DAP: variants seen among roughly 807,000 people sequenced by gnomAD.
DAP encodes death-associated protein 1.
Under a neutral mutation model 13.8 loss-of-function variants are expected in DAP, and 8 were observed. The ratio of observed to expected loss-of-function variants is 0.58; its 90% CI spans 0.34 to 1.05. The LOEUF (loss-of-function observed/expected upper bound fraction) is 1.05. Among genes scored for constraint, DAP ranks in the 50% least tolerant of loss-of-function variants. The pLI, the probability that DAP is intolerant of heterozygous loss-of-function variation, is 0.03. For missense variants in DAP, 106 were observed against 133.2 expected (o/e 0.80, Z 1.01); for synonymous variants, 47 against 47.5 (o/e 0.99, Z 0.04).
At position 10,748,166 on chromosome 5, in the gene DAP, T is replaced by A; in HGVS notation, c.152+9A>T. ...AAAACATGCTCAAGAGTCGCTAGCA[T>A]CATCCCACCTGGGGCTTTCCCATTC... is the stretch of plus-strand genomic sequence containing the variant. On this transcript the variant is annotated intron_variant, in intron 2 of 3. Coordinates refer to ENST00000230895, the MANE Select transcript of DAP (RefSeq NM_004394.3). 6.3e-7 allele frequency: 1 copy of A among 1,591,894 alleles called. No individual in the cohort carries two copies. Among genetic ancestry groups the A allele is most frequent in the Non-Finnish European group, 8.6e-7 (1 of 1,159,716 alleles).
intron 2 of DAP, among the ~76,000 whole-genome samples, chr5:10,683,933 C>A (rs561861382): frequency 2.0e-5 from 3 of 152,282 alleles, no homozygotes; most frequent in South Asian, 2.1e-4. Flanking sequence ...CTCAAGTGAT[C>A]CTGCTTCAGT....
intron 2 of DAP, among the ~76,000 whole-genome samples, chr5:10,710,152 C>T (rs182786976): frequency 2.1e-4 from 32 of 152,338 alleles, no homozygotes; most frequent in Admixed American, 1.4e-3. Flanking sequence ...CCCCTTCCCT[C>T]GGCTACAAAA....
At chr5:10,681,631 T>C (rs1738005892) in intron 3 of DAP, among the ~76,000 whole-genome samples, 1 of 149,886 alleles carries the variant, frequency 6.7e-6, no homozygotes, top group Non-Finnish European at 1.5e-5. Context: ...AGCATGGTGT[T>C]TGTGGGTGAG....
At position 10,760,996 on chromosome 5, in the gene DAP, G is replaced by A; in HGVS notation, c.55+18C>T. Reference sequence around the variant, plus strand: ...CCCCCGGCACCCGCGCGTGGAGAGAGAGGAAAAGAGTCAGTACCGGCGGGC... The same window carrying A: ...CCCCCGGCACCCGCGCGTGGAGAGAAAGGAAAAGAGTCAGTACCGGCGGGC... On this transcript the variant is annotated intron_variant, in intron 1 of 3. Coordinates refer to ENST00000230895, the MANE Select transcript of DAP (RefSeq NM_004394.3). The A allele has an allele frequency of 2.4e-6, 3 of 1,228,330 alleles. No individual in the cohort carries two copies. Among genetic ancestry groups the A allele is most frequent in the East Asian group, 3.4e-5 (1 of 29,460 alleles). 76.1% of individuals were successfully genotyped at this position (1,228,330 alleles called of 1,614,324 possible). A position where few individuals can be genotyped will look rare whatever the true frequency, so the allele number is the denominator to read the frequency against.
chr5:10,745,967 T>C (rs1739893775), intron 2 of DAP, among the ~76,000 whole-genome samples: 1 of 152,204 alleles, frequency 6.6e-6, no homozygotes, highest in Non-Finnish European at 1.5e-5. Context: ...TCCTCATAAC[T>C]TGTACGGAGG....
At chr5:10,712,648 C>T (rs531891830) in intron 2 of DAP, among the ~76,000 whole-genome samples, 7 of 152,144 alleles carry the variant, frequency 4.6e-5, no homozygotes, top group East Asian at 3.9e-4. Context: ...CTTAAATGAC[C>T]GGTTACAAAG....
intron 2 of DAP, among the ~76,000 whole-genome samples, chr5:10,732,546 C>T (rs1739492097): frequency 6.6e-6 from 1 of 152,162 alleles, no homozygotes; most frequent in African/African-American, 2.4e-5. Flanking sequence ...TATGACTTAC[C>T]ATGTTTTGTT....
At chr5:10,720,543 C>T (rs1245069503) in intron 2 of DAP, among the ~76,000 whole-genome samples, 1 of 152,202 alleles carries the variant, frequency 6.6e-6, no homozygotes, top group African/African-American at 2.4e-5. Context: ...CACCACTCAG[C>T]CTCTTTCCCC....
At chr5:10,697,471 T>C (rs1470653245) in intron 2 of DAP, among the ~76,000 whole-genome samples, 2 of 152,196 alleles carry the variant, frequency 1.3e-5, no homozygotes, top group African/African-American at 4.8e-5. Flanking sequence ...GAATTTCAAT[T>C]ATGGGGAGGT....
chr5:10,745,676 T>TA (rs1270507243), intron 2 of DAP, among the ~76,000 whole-genome samples: 1 of 152,244 alleles, frequency 6.6e-6, no homozygotes, highest in Non-Finnish European at 1.5e-5. Context: ...AACTTGCTAA[T>TA]AAATTACTAT....
chr5:10,757,758 G>C (rs955933180), intron 1 of DAP, among the ~76,000 whole-genome samples: 1 of 152,176 alleles, frequency 6.6e-6, no homozygotes, highest in Non-Finnish European at 1.5e-5. Flanking sequence ...GCATCCCTGC[G>C]CACAGTACAG....
chr5:10,714,309 G>A (rs889955907), intron 2 of DAP, among the ~76,000 whole-genome samples: 2 of 152,162 alleles, frequency 1.3e-5, no homozygotes, highest in African/African-American at 4.8e-5. Flanking sequence ...AGCAGTGCCT[G>A]TAATTTTTTC....
intron 2 of DAP, among the ~76,000 whole-genome samples, chr5:10,701,750 T>C (rs1738583199): frequency 6.6e-6 from 1 of 152,126 alleles, no homozygotes; most frequent in Non-Finnish European, 1.5e-5. Flanking sequence ...CCTGGGACGG[T>C]CTGGGTTCAG....
intron 2 of DAP, among the ~76,000 whole-genome samples, chr5:10,694,909 AT>A (rs753889518): frequency 4.6e-5 from 7 of 152,198 alleles, no homozygotes; most frequent in Non-Finnish European, 7.3e-5. Context: ...TCTGCTCAGA[AT>A]CCATAGCTTT....
chr5:10,695,955 C>T (rs921022750), intron 2 of DAP, among the ~76,000 whole-genome samples: 3 of 151,910 alleles, frequency 2.0e-5, no homozygotes, highest in Admixed American at 1.3e-4. Flanking sequence ...ACGTGTTCCA[C>T]ACTCTGCATG....
intron 2 of DAP, among the ~76,000 whole-genome samples, chr5:10,712,187 C>T (rs908149352): frequency 2.0e-5 from 3 of 152,098 alleles, no homozygotes; most frequent in Non-Finnish European, 4.4e-5. Flanking sequence ...GAGAAGACGG[C>T]CATCTACAAG....
chr5:10,733,763 G>A (rs980155898), intron 2 of DAP: 1 of 152,154 alleles, frequency 6.6e-6, no homozygotes, highest in Non-Finnish European at 1.5e-5. Context: ...TCACCAACTG[G>A]AAAATAAGAA....
chr5:10,759,439 A>C (rs1740283175), intron 1 of DAP, among the ~76,000 whole-genome samples: 1 of 147,996 alleles, frequency 6.8e-6, no homozygotes, highest in African/African-American at 2.5e-5. Flanking sequence ...AAATCCCATC[A>C]AAAAAAAAAC....
chr5:10,718,473 TA>T, intron 2 of DAP, among the ~76,000 whole-genome samples: 1 of 152,158 alleles, frequency 6.6e-6, no homozygotes, highest in Non-Finnish European at 1.5e-5. Flanking sequence ...TCTAGGAAAA[TA>T]GTAAATCAAA....
Sources: gnomAD v4.1 joint callset for allele counts (sites outside exome capture counted in the v4.1 genomes callset) on GRCh38, gnomAD v4.1.1 for gene constraint, MANE v1.5 for transcripts, NCBI Gene and HGNC (gene_info 2026-07-23, HGNC 2026-07-21) for gene names.